Variants in ADAMTS19 observed in about 807,000 individuals in gnomAD.
ADAMTS19 encodes the protein A disintegrin and metalloproteinase with thrombospondin motifs 19.
A neutral mutation model predicts 153.3 loss-of-function variants in ADAMTS19; 93 were observed. That is an observed-to-expected ratio of 0.61 (90% CI 0.51 to 0.72). ADAMTS19 has a LOEUF of 0.72. Ranked by LOEUF, ADAMTS19 falls within the 30% of genes least tolerant of loss-of-function variation. The pLI is 0.00. For missense variants in ADAMTS19, 1,482 were observed against 1,552.1 expected, an observed-to-expected ratio of 0.95 and a Z score of 0.76; for synonymous variants, 600 against 556.6, an observed-to-expected ratio of 1.08 and a Z score of -1.10.
intron 21 of ADAMTS19, among the ~76,000 whole-genome samples, chr5:129,734,295 A>G (rs1157351413): frequency 6.6e-6 from 1 of 151,920 alleles, no homozygotes; most frequent in Non-Finnish European, 1.5e-5. Context: ...CCCTGAATCT[A>G]TAAAAATAAA....
In ADAMTS19 at chr5:129,685,894, T is replaced by A. The variant is rs890560385; in HGVS notation, c.2818+1621T>A. On this transcript the variant is annotated intron_variant, in intron 18 of 22. Coordinates refer to ENST00000274487, the MANE Select transcript of ADAMTS19 (RefSeq NM_133638.6). The stretch of plus-strand genomic sequence containing the variant: ...TGGTGAAGTTGGCTTTAGGCAAAAA[T>A]ATGGACAACTCATCACTAGTAACAG... Among the ~76,000 whole-genome samples, 6 of 152,244 alleles carry A rather than the reference T, an allele frequency of 3.9e-5. No individual in the cohort carries two copies. In the South Asian group the frequency reaches 6.2e-4, roughly 16 times the overall value.
chr5:129,610,746 A>G (rs1751168293), intron 8 of ADAMTS19, among the ~76,000 whole-genome samples: 1 of 152,150 alleles, frequency 6.6e-6, no homozygotes, highest in Non-Finnish European at 1.5e-5. Flanking sequence ...GCCGCAATAA[A>G]CATACGTGTG....
chr5:129,608,140 A>ATATATATAT (rs1164899419), intron 8 of ADAMTS19, among the ~76,000 whole-genome samples: 88 of 132,842 alleles, frequency 6.6e-4, no homozygotes, highest in East Asian at 1.8e-3. Flanking sequence ...ATATATATAT[A>ATATATATAT]ATGGAACATT....
intron 8 of ADAMTS19, among the ~76,000 whole-genome samples, chr5:129,598,937 A>G (rs1488655769): frequency 6.6e-6 from 1 of 152,076 alleles, no homozygotes; most frequent in African/African-American, 2.4e-5. Flanking sequence ...TGCAATTTTG[A>G]TCCTTGTTTA....
intron 7 of ADAMTS19, among the ~76,000 whole-genome samples, chr5:129,557,470 C>T (rs1244499367): frequency 1.3e-5 from 2 of 151,940 alleles, no homozygotes; most frequent in East Asian, 1.9e-4. Context: ...CATGGTGACA[C>T]GCACCTGTAA....
chr5:129,615,731 A>G (rs1363500906), intron 8 of ADAMTS19, among the ~76,000 whole-genome samples: 1 of 151,996 alleles, frequency 6.6e-6, no homozygotes, highest in Non-Finnish European at 1.5e-5. Flanking sequence ...AGAAGTAAAA[A>G]GAATCAGCAC....
At chr5:129,723,976 C>T (rs1213487531) in intron 21 of ADAMTS19, among the ~76,000 whole-genome samples, 1 of 152,168 alleles carries the variant, frequency 6.6e-6, no homozygotes, top group African/African-American at 2.4e-5. Context: ...ATTTAAAGAC[C>T]TGGAATCAAT....
At chr5:129,642,039 A>G (rs17163231) in intron 11 of ADAMTS19, 79 bp downstream of exon 11, 147,759 of 750,258 alleles carry the variant, frequency 0.2, 15,713 homozygotes, top group African/African-American at 0.32. Context: ...TGCCAGTTAC[A>G]TTTGTATTCA....
chr5:129,738,345 A>G lies in ADAMTS19; in HGVS notation c.*1127A>G, dbSNP rs182334894. 8 of 152,200 alleles carry G rather than the reference A, an allele frequency of 5.3e-5. No individual in the cohort carries two copies. In the East Asian group the frequency reaches 1.5e-3, roughly 29 times the overall value. The allele number at this position is 152,200 out of a possible 1,614,324, so 9.4% of individuals were successfully genotyped here. A position where few individuals can be genotyped will look rare whatever the true frequency, so the allele number is the denominator to read the frequency against. ...ATGTAAAACTTCCCACTGAGAGACA[A>G]TTCTTCATAGACTTGTCACATATCC... On this transcript the variant is annotated 3_prime_UTR_variant, in exon 23 of 23. Coordinates refer to ENST00000274487, the MANE Select transcript of ADAMTS19 (RefSeq NM_133638.6).
In ADAMTS19 at chr5:129,461,059, C is replaced by G. The variant is rs779808021; in HGVS notation, c.92-43C>G. 4.5e-6 allele frequency: 6 copies of G among 1,323,206 alleles called. No homozygotes were observed. Among genetic ancestry groups the G allele is most frequent in the Admixed American group, 3.8e-5 (1 of 26,030 alleles). 82.0% of individuals were successfully genotyped at this position (1,323,206 alleles called of 1,614,324 possible). On this transcript the variant is annotated intron_variant, in intron 1 of 22. Coordinates refer to ENST00000274487, the MANE Select transcript of ADAMTS19 (RefSeq NM_133638.6). This position sits in a 1 kb window ranked among gnomAD's most constrained non-coding sequence, Gnocchi z 4.6. The stretch of plus-strand genomic sequence containing the variant: ...TTGGAAATGTTTGTGCTACTGGAAC[C>G]GCGGCACTTTAAGCCCCGCACTTCT...
At chr5:129,679,501 A>G (rs1250468867) in intron 16 of ADAMTS19, among the ~76,000 whole-genome samples, 1 of 152,228 alleles carries the variant, frequency 6.6e-6, no homozygotes, top group Non-Finnish European at 1.5e-5. Context: ...TAAGGAATAT[A>G]TACATCAAAG....
chr5:129,664,132 G>A (rs1401436609), intron 15 of ADAMTS19, among the ~76,000 whole-genome samples: 1 of 152,104 alleles, frequency 6.6e-6, no homozygotes, highest in Non-Finnish European at 1.5e-5. Context: ...AATAAAAATA[G>A]CAGTGAAGCC....
chr5:129,684,783 C>T (rs1333859664), intron 18 of ADAMTS19, among the ~76,000 whole-genome samples: 1 of 151,838 alleles, frequency 6.6e-6, no homozygotes, highest in African/African-American at 2.4e-5. Flanking sequence ...GTCAGGAGAT[C>T]AAGACCATTC....
chr5:129,708,757 A>G (rs1307444241), intron 21 of ADAMTS19, among the ~76,000 whole-genome samples: 1 of 152,132 alleles, frequency 6.6e-6, no homozygotes, highest in African/African-American at 2.4e-5. Context: ...AAAATTGCAC[A>G]TAATTGTTCC....
intron 2 of ADAMTS19, among the ~76,000 whole-genome samples, chr5:129,502,482 A>G (rs1175739647): frequency 6.6e-6 from 1 of 152,174 alleles, no homozygotes; most frequent in Non-Finnish European, 1.5e-5. Flanking sequence ...GATTTTCGTT[A>G]TTTTAAAACT....
At chr5:129,587,506 A>G (rs1749875397) in intron 7 of ADAMTS19, among the ~76,000 whole-genome samples, 1 of 152,116 alleles carries the variant, frequency 6.6e-6, no homozygotes, top group Admixed American at 6.6e-5. Flanking sequence ...TGATATTATT[A>G]TATAGGAGAA....
chr5:129,614,097 T>C (rs1233938276), intron 8 of ADAMTS19, among the ~76,000 whole-genome samples: 1 of 152,188 alleles, frequency 6.6e-6, no homozygotes, highest in Admixed American at 6.6e-5. Context: ...AGCAGAATTC[T>C]ACCAGAGGTA....
chr5:129,601,817 G>T (rs1263795120), intron 8 of ADAMTS19, among the ~76,000 whole-genome samples: 1 of 152,084 alleles, frequency 6.6e-6, no homozygotes, highest in East Asian at 1.9e-4. Flanking sequence ...ATGTAGGCTT[G>T]GTTGACTCCC....
intron 6 of ADAMTS19, among the ~76,000 whole-genome samples, chr5:129,528,986 T>C (rs939443958): frequency 2.6e-5 from 4 of 152,074 alleles, no homozygotes; most frequent in African/African-American, 9.7e-5. Context: ...AAGTTCCAAA[T>C]TATGAACGTA....
Sources: allele counts gnomAD v4.1 joint callset (sites outside exome capture counted in the v4.1 genomes callset), GRCh38; gene constraint gnomAD v4.1.1; non-coding constraint Gnocchi (gnomAD v3.1); transcripts MANE v1.5; gene names NCBI Gene and HGNC (gene_info 2026-07-23, HGNC 2026-07-21).